The following GPC5 variants were observed in gnomAD, a reference collection of about 807,000 sequenced individuals.
The protein encoded by GPC5 is glypican 5.
Under a neutral mutation model 53.9 loss-of-function variants are expected in GPC5, and 47 were observed. The ratio of observed to expected loss-of-function variants is 0.87; its 90% CI spans 0.69 to 1.11. The LOEUF is 1.11. Ranked by LOEUF, GPC5 falls within the 50% of genes most tolerant of loss-of-function variation. The probability of loss-of-function intolerance (pLI) is 0.00; values close to 1 mark genes in which losing one functional copy is unlikely to be tolerated. For synonymous variants in GPC5, 286 were observed against 263.3 expected (o/e 1.09, Z -0.84); for missense variants, 748 against 713.1 (o/e 1.05, Z -0.56).
intron 2 of GPC5, among the ~76,000 whole-genome samples, chr13:91,558,302 G>A (rs964517575): frequency 1.2e-4 from 19 of 152,032 alleles, no homozygotes; most frequent in Admixed American, 5.2e-4. Flanking sequence ...ACTTGGTCTC[G>A]GTATTAGTTA....
chr13:92,638,839 C>G (rs1885497072), intron 7 of GPC5, among the ~76,000 whole-genome samples: 1 of 152,176 alleles, frequency 6.6e-6, no homozygotes, highest in South Asian at 2.1e-4. Context: ...GTTTACATCT[C>G]AGCAATTTCT....
Position 92,613,782 on chromosome 13 carries a change from C to T in GPC5, c.1562-252500C>T, listed in dbSNP as rs142419397. The stretch of plus-strand genomic sequence containing the variant: ...CTGAGGCAGGAGGCTCACTTGAGCA[C>T]GGAGGTCAAGGCTGCAGTGAGATAG... On this transcript the variant is annotated intron_variant, in intron 7 of 7. Transcript: ENST00000377067. Among the ~76,000 whole-genome samples, 1,401 of 148,348 alleles carry T rather than the reference C, an allele frequency of 9.4e-3. 25 individuals carry two copies. Among genetic ancestry groups the T allele is most frequent in the African/African-American group, 0.032 (1,292 of 40,334 alleles).
intron 2 of GPC5, among the ~76,000 whole-genome samples, chr13:91,691,940 A>T (rs946583734): frequency 7.9e-5 from 12 of 152,288 alleles, no homozygotes; most frequent in Admixed American, 7.8e-4. Context: ...ATATTTTATT[A>T]TTATATATTG....
chr13:92,369,393 G>T (rs2043632530), intron 7 of GPC5, among the ~76,000 whole-genome samples: 1 of 152,134 alleles, frequency 6.6e-6, no homozygotes, highest in Non-Finnish European at 1.5e-5. Context: ...GGCCAGGCTG[G>T]TCTTGAACTC....
intron 6 of GPC5, among the ~76,000 whole-genome samples, chr13:91,954,010 A>C (rs1161751784): frequency 6.6e-6 from 1 of 152,190 alleles, no homozygotes; most frequent in Admixed American, 6.5e-5. Context: ...CACATCAAGA[A>C]ATTTTTAGGA....
intron 7 of GPC5, among the ~76,000 whole-genome samples, chr13:92,645,042 A>G (rs61975891): frequency 0.25 from 38,113 of 152,104 alleles, 5,598 homozygotes; most frequent in South Asian, 0.39. Flanking sequence ...ACATTCACTA[A>G]TTCTACTTGC....
intron 4 of GPC5, among the ~76,000 whole-genome samples, chr13:91,731,574 G>T (rs2036698789): frequency 6.6e-6 from 1 of 151,934 alleles, no homozygotes; most frequent in Non-Finnish European, 1.5e-5. Flanking sequence ...GTGTAGGTTT[G>T]TTAAATGGGT....
chr13:92,072,101 C>A (rs2041216585), intron 6 of GPC5, among the ~76,000 whole-genome samples: 1 of 143,300 alleles, frequency 7.0e-6, no homozygotes, highest in Non-Finnish European at 1.5e-5. Context: ...ATAATAAATT[C>A]ATTTTATTGA....
At chr13:91,527,573 G>A (rs1321418408) in intron 2 of GPC5, among the ~76,000 whole-genome samples, 2 of 152,204 alleles carry the variant, frequency 1.3e-5, no homozygotes, top group Non-Finnish European at 2.9e-5. Flanking sequence ...TGCTATTCGG[G>A]CGTCTGGAGG....
chr13:91,531,015 A>G (rs184936952), intron 2 of GPC5, among the ~76,000 whole-genome samples: 12 of 152,290 alleles, frequency 7.9e-5, no homozygotes, highest in African/African-American at 2.6e-4. Flanking sequence ...CTTACTGCCA[A>G]TATTGAATTC....
chr13:92,023,425 C>T (rs2040775075), intron 6 of GPC5, among the ~76,000 whole-genome samples: 1 of 151,880 alleles, frequency 6.6e-6, no homozygotes, highest in South Asian at 2.1e-4. Flanking sequence ...AAGTAATGGT[C>T]AAATTTGTGT....
intron 2 of GPC5, among the ~76,000 whole-genome samples, chr13:91,592,338 G>C (rs1177135124): frequency 1.3e-5 from 2 of 152,164 alleles, no homozygotes; most frequent in Non-Finnish European, 2.9e-5. Context: ...TCTGTTGTGA[G>C]GGAGGAAGAG....
chr13:91,434,990 T>C (rs1217995965), intron 1 of GPC5, among the ~76,000 whole-genome samples: 1 of 152,216 alleles, frequency 6.6e-6, no homozygotes, highest in African/African-American at 2.4e-5. Context: ...TCTCTGTTTG[T>C]CCGTTATTGG....
intron 6 of GPC5, among the ~76,000 whole-genome samples, chr13:92,080,288 G>C (rs771677662): frequency 2.6e-5 from 4 of 151,878 alleles, no homozygotes; most frequent in Admixed American, 2.0e-4. Context: ...TCCCATTCAC[G>C]TCCATAGCAA....
At chr13:92,836,394 C>A (rs1040127946) in intron 7 of GPC5, among the ~76,000 whole-genome samples, 1 of 151,960 alleles carries the variant, frequency 6.6e-6, no homozygotes, top group African/African-American at 2.4e-5. Context: ...GTTCCAGAAC[C>A]AGTCATTTAA....
intron 7 of GPC5, among the ~76,000 whole-genome samples, chr13:92,731,137 A>G (rs1027971291): frequency 6.6e-6 from 1 of 151,486 alleles, no homozygotes; most frequent in Non-Finnish European, 1.5e-5. Flanking sequence ...AGGGATAGAG[A>G]AAGAACTCAA....
chr13:92,700,627 A>G (rs1248969576), intron 7 of GPC5, among the ~76,000 whole-genome samples: 1 of 151,930 alleles, frequency 6.6e-6, no homozygotes, highest in Non-Finnish European at 1.5e-5. Context: ...TGCTGCCTAA[A>G]TTTTCTCTTG....
At chr13:92,820,470 C>T (rs1165196092) in intron 7 of GPC5, among the ~76,000 whole-genome samples, 1 of 152,128 alleles carries the variant, frequency 6.6e-6, no homozygotes, top group Non-Finnish European at 1.5e-5. Flanking sequence ...TCATTCCTCA[C>T]TCTCAATATC....
At chr13:91,885,483 A>G (rs1248892690) in intron 5 of GPC5, among the ~76,000 whole-genome samples, 1 of 152,198 alleles carries the variant, frequency 6.6e-6, no homozygotes, top group African/African-American at 2.4e-5. Context: ...TTCATCATTC[A>G]GTGATAGCTT....
Sources: gnomAD v4.1 joint callset for allele counts (sites outside exome capture counted in the v4.1 genomes callset) on GRCh38, gnomAD v4.1.1 for gene constraint, MANE v1.5 for transcripts, NCBI Gene and HGNC (gene_info 2026-07-23, HGNC 2026-07-21) for gene names.